The following TSGA10 variants were observed in gnomAD, a reference collection of about 807,000 sequenced individuals.
The protein encoded by TSGA10 is testis specific 10, also known as testis-specific gene 10 protein.
A neutral mutation model predicts 96.6 loss-of-function variants in TSGA10; 43 were observed. That is an observed-to-expected ratio of 0.44 (90% CI 0.35 to 0.57). The LOEUF (loss-of-function observed/expected upper bound fraction) is 0.57, where lower values mean the gene tolerates loss of function less well. Among genes scored for constraint, TSGA10 ranks in the 20% least tolerant of loss-of-function variants. TSGA10 has a pLI of 0.01. For synonymous variants in TSGA10, 229 were observed against 269.9 expected, an observed-to-expected ratio of 0.85 and a Z score of 1.48; for missense variants, 703 against 834.4, an observed-to-expected ratio of 0.84 and a Z score of 1.94.
chr2:98,998,059 A>G lies in TSGA10; in HGVS notation c.*138T>C. 1.3e-6 allele frequency: 1 copy of G among 778,198 alleles called. No individual in the cohort carries two copies. Among genetic ancestry groups the G allele is most frequent in the Admixed American group, 2.9e-5 (1 of 34,268 alleles). 48.2% of individuals were successfully genotyped at this position (778,198 alleles called of 1,614,324 possible). A position where few individuals can be genotyped will look rare whatever the true frequency, so the allele number is the denominator to read the frequency against. ...ACTGCAACATGGCACATTAGAACAG[A>G]GATTCAGAGACACAAAGTTAATAAA... On this transcript the variant is annotated 3_prime_UTR_variant, in exon 21 of 21. Coordinates refer to ENST00000393483, the MANE Select transcript of TSGA10 (RefSeq NM_025244.4).
intron 16 of TSGA10, among the ~76,000 whole-genome samples, chr2:99,043,354 G>A (rs535304239): frequency 6.6e-6 from 1 of 152,096 alleles, no homozygotes; most frequent in African/African-American, 2.4e-5. Flanking sequence ...AAGAAAAAAA[G>A]CAGAATGAAG....
At chr2:98,998,427 T>C (rs1435178048) in intron 20 of TSGA10, among the ~76,000 whole-genome samples, 1 of 152,130 alleles carries the variant, frequency 6.6e-6, no homozygotes, top group African/African-American at 2.4e-5. Flanking sequence ...CAACAATAAA[T>C]AGGAATGAAC....
intron 1 of TSGA10, among the ~76,000 whole-genome samples, chr2:99,129,772 GC>G (rs1226180454): frequency 6.6e-6 from 1 of 152,006 alleles, no homozygotes; most frequent in Non-Finnish European, 1.5e-5. Flanking sequence ...TCTTTTTTAT[GC>G]TATCCCTCCC....
chr2:99,018,702 G>T, intron 18 of TSGA10, 62 bp from the exon 19 acceptor site: 1 of 1,408,266 alleles, frequency 7.1e-7, no homozygotes, highest in Non-Finnish European at 9.7e-7. Flanking sequence ...TGATTCTGGG[G>T]TACATGAAAC....
intron 20 of TSGA10, among the ~76,000 whole-genome samples, chr2:99,009,124 T>A (rs1351919760): frequency 6.6e-6 from 1 of 151,796 alleles, no homozygotes; most frequent in Non-Finnish European, 1.5e-5. Flanking sequence ...AAAATTAAGT[T>A]GAGGAAAAAA....
intron 7 of TSGA10, among the ~76,000 whole-genome samples, chr2:99,107,630 A>G (rs1476789554): frequency 6.6e-6 from 1 of 152,174 alleles, no homozygotes; most frequent in Non-Finnish European, 1.5e-5. Flanking sequence ...GCATTTTTAA[A>G]TGGTTGGGGA....
chr2:99,085,335 T>C (rs1366555327), intron 10 of TSGA10, among the ~76,000 whole-genome samples: 1 of 152,058 alleles, frequency 6.6e-6, no homozygotes, highest in African/African-American at 2.4e-5. Context: ...CCAGGCATGA[T>C]GGCTCATGTC....
At chr2:99,126,143 G>A (rs983172906) in intron 2 of TSGA10, 1 of 152,458 alleles carries the variant, frequency 6.6e-6, no homozygotes, top group Non-Finnish European at 1.5e-5. Context: ...AAGTGTGTAG[G>A]TGAGGCACAA....
At chr2:99,021,666 C>T (rs1302380263) in intron 17 of TSGA10, among the ~76,000 whole-genome samples, 1 of 152,142 alleles carries the variant, frequency 6.6e-6, no homozygotes, top group Non-Finnish European at 1.5e-5. Context: ...GTATCCCTGG[C>T]CTCTGCCCAA....
At chr2:99,067,404 C>T (rs182083416) in intron 15 of TSGA10, among the ~76,000 whole-genome samples, 1 of 152,320 alleles carries the variant, frequency 6.6e-6, no homozygotes, top group Non-Finnish European at 1.5e-5. Flanking sequence ...GTGGGAGGAT[C>T]ACTTGAGCCT....
chr2:99,061,698 C>T (rs368387258), intron 16 of TSGA10, among the ~76,000 whole-genome samples: 3 of 152,272 alleles, frequency 2.0e-5, no homozygotes, highest in Admixed American at 1.3e-4. Context: ...ACAATGTTCA[C>T]AGAAATTATA....
intron 16 of TSGA10, among the ~76,000 whole-genome samples, chr2:99,048,211 G>GA (rs1396801260): frequency 1.3e-5 from 2 of 151,978 alleles, no homozygotes; most frequent in African/African-American, 2.4e-5. Context: ...CACAGAATCA[G>GA]AAAAAAGCTA....
chr2:99,070,933 CATA>C (rs1285083322), intron 14 of TSGA10, among the ~76,000 whole-genome samples: 3 of 152,064 alleles, frequency 2.0e-5, no homozygotes, highest in African/African-American at 7.2e-5. Flanking sequence ...TCCTTTTTTA[CATA>C]ATGTCCTTTT....
chr2:99,019,321 C>G (rs773939646), intron 18 of TSGA10, among the ~76,000 whole-genome samples: 4 of 152,158 alleles, frequency 2.6e-5, no homozygotes, highest in Admixed American at 2.6e-4. Context: ...ACCAGCCAGT[C>G]TAAAACAGAG....
At chr2:99,026,477 T>G (rs1303611814) in intron 17 of TSGA10, among the ~76,000 whole-genome samples, 1 of 152,076 alleles carries the variant, frequency 6.6e-6, no homozygotes, top group Non-Finnish European at 1.5e-5. Flanking sequence ...TGGAGTGCAG[T>G]GGCATGATCT....
chr2:99,061,916 T>G (rs1449373146), intron 16 of TSGA10, among the ~76,000 whole-genome samples: 1 of 152,186 alleles, frequency 6.6e-6, no homozygotes, highest in African/African-American at 2.4e-5. Context: ...ACACCAAGGA[T>G]GTGCATGCAC....
In TSGA10 at chr2:99,074,000, C is replaced by CTTTTTTTTTTTTTTTTTTTTTTTT. The variant is rs1167854716; in HGVS notation, c.883-951_883-928dup. Among the ~76,000 whole-genome samples, 41 of 52,636 alleles carry CTTTTTTTTTTTTTTTTTTTTTTTT rather than the reference C, an allele frequency of 7.8e-4. 11 individuals carry two copies. Among genetic ancestry groups the CTTTTTTTTTTTTTTTTTTTTTTTT allele is most frequent in the African/African-American group, 1.2e-3 (16 of 13,356 alleles). The allele number at this position is 52,636 out of a possible 152,430, so 34.5% of individuals were successfully genotyped here. ...AACCAATTCTGTTCCTGTTTCTTTT[C>CTTTTTTTTTTTTTTTTTTTTTTTT]TTTTTTTTTTTTTTTTTTTTTTTTT... On this transcript the variant is annotated intron_variant, in intron 12 of 20. Transcript: ENST00000393483.
intron 1 of TSGA10, chr2:99,147,472 C>T: frequency 6.2e-7 from 1 of 1,613,986 alleles, no homozygotes; most frequent in Non-Finnish European, 8.5e-7. Flanking sequence ...CCCTTCATGT[C>T]CTCAACTCTG....
intron 1 of TSGA10, chr2:99,147,605 G>A (rs878950321): frequency 1.1e-5 from 10 of 905,692 alleles, no homozygotes; most frequent in African/African-American, 3.3e-5. Flanking sequence ...ATTCTTTTAC[G>A]TTTGTTGATT....
Sources: gnomAD v4.1 joint callset for allele counts (sites outside exome capture counted in the v4.1 genomes callset) on GRCh38, gnomAD v4.1.1 for gene constraint, MANE v1.5 for transcripts, NCBI Gene and HGNC (gene_info 2026-07-23, HGNC 2026-07-21) for gene names.